The following ZEB2 variants were observed in gnomAD, a reference collection of about 807,000 sequenced individuals.
The protein encoded by ZEB2 is zinc finger E-box binding homeobox 2, also known as zinc finger E-box-binding homeobox 2.
In ZEB2, 6 loss-of-function variants were observed where a neutral mutation model predicts 99.9. The observed-to-expected ratio is 0.06, with a 90% confidence interval of 0.03 to 0.12. The LOEUF (loss-of-function observed/expected upper bound fraction) is 0.12, where lower values mean the gene tolerates loss of function less well. Ranked by LOEUF, ZEB2 falls within the 10% of genes least tolerant of loss-of-function variation. The probability of loss-of-function intolerance (pLI) is 1.00; values close to 1 mark genes in which losing one functional copy is unlikely to be tolerated. For missense variants in ZEB2, 969 were observed against 1,502.8 expected (o/e 0.64, Z 5.87); for synonymous variants, 517 against 542.5 (o/e 0.95, Z 0.65).
intron 2 of ZEB2, among the ~76,000 whole-genome samples, chr2:144,440,833 C>T (rs961629871): frequency 1.3e-5 from 2 of 151,520 alleles, no homozygotes; most frequent in South Asian, 2.1e-4. Context: ...AATAATGTCA[C>T]GATTCAGAGT....
At chr2:144,452,469 C>G (rs530304246) in intron 2 of ZEB2, among the ~76,000 whole-genome samples, 1 of 152,272 alleles carries the variant, frequency 6.6e-6, no homozygotes, top group Non-Finnish European at 1.5e-5. Flanking sequence ...AGCATCACCA[C>G]AAAAGGCTAA....
At chr2:144,459,909 A>G (rs1704169050) in intron 2 of ZEB2, among the ~76,000 whole-genome samples, 1 of 152,164 alleles carries the variant, frequency 6.6e-6, no homozygotes, top group Admixed American at 6.6e-5. Context: ...GTAGATTTTA[A>G]CACTCCGAAA....
chr2:144,452,413 G>A (rs915774385), intron 2 of ZEB2, among the ~76,000 whole-genome samples: 4 of 152,102 alleles, frequency 2.6e-5, no homozygotes, highest in African/African-American at 9.7e-5. Context: ...CTAAGGAGAG[G>A]AAACAAATAG....
intron 2 of ZEB2, among the ~76,000 whole-genome samples, chr2:144,445,849 G>T (rs1400882937): frequency 6.6e-6 from 1 of 152,164 alleles, no homozygotes; most frequent in Admixed American, 6.5e-5. Flanking sequence ...CCACTTTGGG[G>T]AATCTCAGAA....
Position 144,389,801 on chromosome 2 carries a change from C to T in ZEB2, c.3295G>A (p.Gly1099Arg). Residue 1099 changes from glycine (G) to arginine (R), a missense_variant, in exon 10 of 10, where the codon GGG becomes AGG. Transcript: ENST00000627532. The surrounding 1 kb of genome is among the most constrained non-coding windows in gnomAD (Gnocchi z 6.8). ...AGCAGCTCGGTGGGTTCCAAGTGCC[C>T]TTTCTCGCGCGCCTCGCGCTCCGCC... Reference protein sequence around the residue: ...EAAEREAREKGHLEPTELLMN... With the variant: ...EAAEREAREKRHLEPTELLMN... 1 of 1,611,380 alleles carries T rather than the reference C, an allele frequency of 6.2e-7. No homozygotes were observed. The highest frequency in any genetic ancestry group is 1.1e-5 in the South Asian group (1 of 90,958).
chr2:144,471,474 AG>A (rs1426165153), intron 2 of ZEB2, among the ~76,000 whole-genome samples: 1 of 151,942 alleles, frequency 6.6e-6, no homozygotes, highest in East Asian at 1.9e-4. Context: ...CAAAAACCTA[AG>A]GGACAGAGGT....
chr2:144,415,074 T>A (rs79988935), intron 4 of ZEB2, among the ~76,000 whole-genome samples: 5 of 151,950 alleles, frequency 3.3e-5, no homozygotes, highest in Non-Finnish European at 5.9e-5. Flanking sequence ...TTTTTTTTTT[T>A]AACTGGGTAA....
In ZEB2 at chr2:144,440,499, ATATATATATATATATATTTTTTTTTTTT is replaced by A. The variant is rs1483219532; in HGVS notation, c.74-10501_74-10474del. 2.6e-4 allele frequency among the ~76,000 whole-genome samples: 6 copies of A among 22,966 alleles called. 1 individual carries two copies. Among genetic ancestry groups the A allele is most frequent in the African/African-American group, 3.6e-4 (2 of 5,568 alleles). The allele number at this position is 22,966 out of a possible 152,430, so 15.1% of individuals were successfully genotyped here. A position where few individuals can be genotyped will look rare whatever the true frequency, so the allele number is the denominator to read the frequency against. On this transcript the variant is annotated intron_variant, in intron 2 of 9. Transcript: ENST00000627532. ...ACCCAAAAGCAGTATATATATATAT[ATATATATATATATATATTTTTTTTTTTT>A]TTTTTTTTTTTTTTTAACTAGTGGT...
In ZEB2 at chr2:144,435,925, C is replaced by CTT. The variant is rs34346875; in HGVS notation, c.74-5901_74-5900dup. On this transcript the variant is annotated intron_variant, in intron 2 of 9. Transcript: ENST00000627532. ...CCCATCCGGGGGGATTTATCATTGA[C>CTT]TTTTTTTTTTTTTTTAAATCACAGT... 1.6e-3 allele frequency among the ~76,000 whole-genome samples: 236 copies of CTT among 143,208 alleles called. 3 individuals are homozygous for CTT. The highest frequency in any genetic ancestry group is 3.4e-4 in the Non-Finnish European group (22 of 65,174). The allele number at this position is 143,208 out of a possible 152,430, so 94.0% of individuals were successfully genotyped here.
Position 144,405,016 on chromosome 2 carries a change from C to T in ZEB2, c.412G>A (p.Ala138Thr). The T allele has an allele frequency of 6.2e-7, 1 of 1,613,792 alleles. No homozygotes were observed. The highest frequency in any genetic ancestry group is 8.5e-7 in the Non-Finnish European group (1 of 1,180,022). The change falls in exon 5 of 10, where the codon GCA (alanine) becomes ACA (threonine). Residue 138 changes from alanine (A) to threonine (T), a missense_variant. Around this residue, in one of 8 missense-constraint regions of ZEB2, gnomAD observed 173 missense variants for 217.7 expected, o/e 0.79. Coordinates refer to ENST00000627532, the MANE Select transcript of ZEB2 (RefSeq NM_014795.4). The part of the protein sequence containing the change: ...TAINNGTVKN[A>T]NCTSDFEEYF... The stretch of plus-strand genomic sequence containing the variant: ...TCCTCAAAATCTGATGTGCAATTTG[C>T]ATTCTTCACTGAAATCATAAAAGGA...
chr2:144,503,521 C>G (rs569637254), intron 2 of ZEB2: 1 of 152,148 alleles, frequency 6.6e-6, no homozygotes, highest in African/African-American at 2.4e-5. Context: ...ATTCGACCCC[C>G]AAGTCTAGTT....
In ZEB2 at chr2:144,389,731, G is replaced by C; in HGVS notation, c.3365C>G (p.Ser1122Cys). 6.2e-7 allele frequency: 1 copy of C among 1,612,458 alleles called. No individual in the cohort carries two copies. The highest frequency in any genetic ancestry group is 8.5e-7 in the Non-Finnish European group (1 of 1,179,020). ...CATACTCTCCCTCTCCTCCGAGTCA[G>C]AGTACCCCTGAGGGGTAATGCTCTG... ...YLQSITPQGY[S>C]DSEERESMPR... is the part of the protein sequence containing the mutation. The change falls in exon 10 of 10, where the codon TCT (serine) becomes TGT (cysteine). Residue 1122 changes from serine to cysteine, a missense_variant. This residue lies in a region of ZEB2 where 121 missense variants were observed against 166.4 expected (regional missense o/e 0.73). Coordinates refer to ENST00000627532, the MANE Select transcript of ZEB2 (RefSeq NM_014795.4). The surrounding 1 kb of genome is among the most constrained non-coding windows in gnomAD (Gnocchi z 6.8).
At chr2:144,405,283 T>C (rs551487528) in intron 4 of ZEB2, 4 of 455,350 alleles carry the variant, frequency 8.8e-6, no homozygotes, top group Non-Finnish European at 1.6e-5. Flanking sequence ...AGTCTGTATA[T>C]ACAAAGAATG....
At chr2:144,436,004 G>A (rs1157622891) in intron 2 of ZEB2, among the ~76,000 whole-genome samples, 1 of 151,652 alleles carries the variant, frequency 6.6e-6, no homozygotes, top group Admixed American at 6.6e-5. Context: ...TAAATGCAAG[G>A]TTCAATTTCT....
Position 144,385,852 on chromosome 2 carries a change from A to C in ZEB2, c.*3599T>G, listed in dbSNP as rs1369929276. On this transcript the variant is annotated 3_prime_UTR_variant, in exon 10 of 10. Coordinates refer to ENST00000627532, the MANE Select transcript of ZEB2 (RefSeq NM_014795.4). ...TTTTTAAAAGTTATCTGATTGTGAAAAGTATCTAATACATTTATTCATATT... is the reference window on the plus strand; with the variant it reads ...TTTTTAAAAGTTATCTGATTGTGAACAGTATCTAATACATTTATTCATATT... The C allele has an allele frequency of 4.6e-5, 7 of 152,348 alleles. No individual in the cohort carries two copies. Among genetic ancestry groups the C allele is most frequent in the Non-Finnish European group, 1.5e-5 (1 of 68,024 alleles). The allele number at this position is 152,348 out of a possible 1,614,324, so 9.4% of individuals were successfully genotyped here. A position where few individuals can be genotyped will look rare whatever the true frequency, so the allele number is the denominator to read the frequency against.
chr2:144,429,381 C>G (rs1235603057), intron 3 of ZEB2: 1 of 211,266 alleles, frequency 4.7e-6, no homozygotes, highest in Non-Finnish European at 9.7e-6. Flanking sequence ...ATAATTTCCA[C>G]ACAAAATATT....
chr2:144,487,760 C>A (rs1254200070), intron 2 of ZEB2, among the ~76,000 whole-genome samples: 1 of 152,106 alleles, frequency 6.6e-6, no homozygotes, highest in Non-Finnish European at 1.5e-5. Flanking sequence ...AAAAAGAATT[C>A]AAGCTACCAA....
rs1156897284 is a variant in ZEB2, at chr2:144,387,901, A to T, written c.*1550T>A. On this transcript the variant is annotated 3_prime_UTR_variant, in exon 10 of 10. Coordinates refer to ENST00000627532, the MANE Select transcript of ZEB2 (RefSeq NM_014795.4). ...TGGTACCAGTCAAAATTATTGCTAA[A>T]CTAAAATTATATGAAAAAAACATAA... The T allele has an allele frequency of 6.6e-6, 1 of 152,530 alleles. No homozygotes were observed. Among genetic ancestry groups the T allele is most frequent in the Non-Finnish European group, 1.5e-5 (1 of 67,998 alleles). The allele number at this position is 152,530 out of a possible 1,614,324, so 9.4% of individuals were successfully genotyped here.
intron 2 of ZEB2, among the ~76,000 whole-genome samples, chr2:144,478,638 A>G (rs1283939318): frequency 1.3e-5 from 2 of 152,228 alleles, no homozygotes; most frequent in African/African-American, 4.8e-5. Flanking sequence ...TAATTTGCCA[A>G]ACAAAATAGC....
Sources: gnomAD v4.1 joint callset for allele counts (sites outside exome capture counted in the v4.1 genomes callset) on GRCh38, gnomAD v4.1.1 for gene constraint, gnomAD v4.1.1 regional missense constraint, Gnocchi (gnomAD v3.1) non-coding constraint, MANE v1.5 for transcripts, NCBI Gene and HGNC (gene_info 2026-07-23, HGNC 2026-07-21) for gene names.